TRAP1: variants seen among roughly 807,000 people sequenced by gnomAD.
TRAP1 encodes TNF receptor associated protein 1.
A neutral mutation model predicts 89.1 loss-of-function variants in TRAP1; 102 were observed. The observed-to-expected ratio is 1.15, with a 90% CI of 0.98 to 1.35. The LOEUF is 1.35. TRAP1 is among the 40% of genes most tolerant of loss of function. The pLI, the probability that TRAP1 is intolerant of heterozygous loss-of-function variation, is 0.00. For synonymous variants in TRAP1, 508 were observed against 388.0 expected, an observed-to-expected ratio of 1.31 and a Z score of -3.64; for missense variants, 1,256 against 945.3, an observed-to-expected ratio of 1.33 and a Z score of -4.31.
intron 1 of TRAP1, among the ~76,000 whole-genome samples, chr16:3,699,124 C>G (rs996612130): frequency 2.6e-5 from 4 of 152,134 alleles, no homozygotes; most frequent in Non-Finnish European, 5.9e-5. Context: ...ACACCCCTCC[C>G]CTTCCACCCC....
chr16:3,658,209 C>T lies in TRAP1; in HGVS notation c.2035G>A (p.Ala679Thr), dbSNP rs745658862. 1 of 1,613,918 alleles carries T rather than the reference C, an allele frequency of 6.2e-7. No homozygotes were observed. Among genetic ancestry groups the T allele is most frequent in the Non-Finnish European group, 8.5e-7 (1 of 1,179,982 alleles). Residue 679 changes from alanine to threonine, a missense_variant, in exon 18 of 18, where the codon GCT (alanine) becomes ACT (threonine). Ala to Thr is a moderately conservative substitution (Grantham distance 58). Coordinates refer to ENST00000246957, the MANE Select transcript of TRAP1 (RefSeq NM_016292.3). ...CTAGGGTCGTCAACAAGTCCAGCAG[C>T]AATCATGGCGTTCTCGTATATCTGA... ...VDQIYENAMIAAGLVDDPRAM... is the reference protein window; with the variant it reads ...VDQIYENAMITAGLVDDPRAM...
At chr16:3,665,628 G>C (rs938228996) in intron 12 of TRAP1, among the ~76,000 whole-genome samples, 3 of 152,160 alleles carry the variant, frequency 2.0e-5, no homozygotes, top group African/African-American at 7.2e-5. Context: ...GGAGTCCTTG[G>C]CTTGTCCCAC....
At chr16:3,661,803 A>C in intron 16 of TRAP1, 184 bp downstream of exon 16, 1 of 647,666 alleles carries the variant, frequency 1.5e-6, no homozygotes, top group Non-Finnish European at 2.3e-6. Context: ...TGGGGATGGT[A>C]AGGGGCTGGC....
chr16:3,706,415 G>A (rs896791069), intron 1 of TRAP1, among the ~76,000 whole-genome samples: 2 of 151,396 alleles, frequency 1.3e-5, no homozygotes, highest in Non-Finnish European at 2.9e-5. Flanking sequence ...CAAGCAGGTG[G>A]GATTAGAAGG....
At chr16:3,697,129 C>G (rs2151274722) in intron 1 of TRAP1, among the ~76,000 whole-genome samples, 1 of 152,296 alleles carries the variant, frequency 6.6e-6, no homozygotes, top group East Asian at 1.9e-4. Flanking sequence ...GCATATCATC[C>G]TACATTCCTG....
chr16:3,697,114 A>G (rs888577292), intron 1 of TRAP1, among the ~76,000 whole-genome samples: 9 of 152,222 alleles, frequency 5.9e-5, no homozygotes, highest in African/African-American at 2.2e-4. Flanking sequence ...GCAATGTACT[A>G]AAGTGCATAT....
intron 1 of TRAP1, among the ~76,000 whole-genome samples, chr16:3,702,104 C>G (rs1018470712): frequency 1.3e-5 from 2 of 151,934 alleles, no homozygotes; most frequent in African/African-American, 4.8e-5. Context: ...GCCTGGGCGA[C>G]ACAGTGAGAC....
intron 11 of TRAP1, among the ~76,000 whole-genome samples, chr16:3,670,845 G>A (rs146333545): frequency 4.5e-4 from 69 of 152,226 alleles, no homozygotes; most frequent in East Asian, 2.1e-3. Context: ...CCACCAGGCA[G>A]GAAACCACAC....
In TRAP1 at chr16:3,717,429, A is replaced by G. The variant is rs558230621; in HGVS notation, c.80T>C (p.Val27Ala). 21 of 1,239,252 alleles carry G rather than the reference A, an allele frequency of 1.7e-5. 1 individual carries two copies. In the South Asian group the frequency reaches 6.4e-4, roughly 38 times the overall value. The allele number at this position is 1,239,252 out of a possible 1,614,324, so 76.8% of individuals were successfully genotyped here. ...AGCCAGGACGCCCTCACCTCCCGGC[A>G]CGGCCGCCAGCGCCGGCGCCCGCAG... Reference protein sequence around the residue: ...PLLRAPALAAVPGGKPILCPR... With the variant: ...PLLRAPALAAAPGGKPILCPR... The change falls in exon 1 of 18, where the codon GTG becomes GCG. Residue 27 changes from valine (V) to alanine (A), a missense_variant. Val to Ala is a moderately conservative substitution (Grantham distance 64, BLOSUM62 0). Coordinates refer to ENST00000246957, the MANE Select transcript of TRAP1 (RefSeq NM_016292.3).
Position 3,675,885 on chromosome 16 carries a change from C to A in TRAP1, c.814+151G>T, listed in dbSNP as rs572653396. On this transcript the variant is annotated intron_variant, in intron 7 of 17. Coordinates refer to ENST00000246957, the MANE Select transcript of TRAP1 (RefSeq NM_016292.3). ...GATGCTACGCAGCCCTGGCGGGCAG[C>A]CCCCCTCCCAGTCCCGCAGCGGCTC... 207 of 679,632 alleles carry A rather than the reference C, an allele frequency of 3.0e-4. 1 individual carries two copies. The African/African-American group carries it at 3.4e-3, about 11-fold the overall frequency. 42.1% of individuals were successfully genotyped at this position (679,632 alleles called of 1,614,324 possible).
intron 1 of TRAP1, among the ~76,000 whole-genome samples, chr16:3,698,857 G>T (rs1166274389): frequency 1.3e-5 from 2 of 151,848 alleles, no homozygotes; most frequent in Non-Finnish European, 2.9e-5. Context: ...CTGCATTTCA[G>T]GGTGGGAGAT....
intron 9 of TRAP1, among the ~76,000 whole-genome samples, chr16:3,673,508 CAAATGTTGGGAGACCTGGTTA>C (rs1390289171): frequency 6.6e-6 from 1 of 152,140 alleles, no homozygotes; most frequent in Non-Finnish European, 1.5e-5. Context: ...GTATCTAGTT[CAAATGTTGGGAGACCTGGTTA>C]AAATGTGGGG....
chr16:3,705,843 C>T (rs930665219), intron 1 of TRAP1, among the ~76,000 whole-genome samples: 2 of 151,634 alleles, frequency 1.3e-5, no homozygotes, highest in African/African-American at 4.8e-5. Context: ...CCACACCCGG[C>T]TAATTTTATA....
rs925726956 is a variant in TRAP1, at chr16:3,675,906, G to A, written c.814+130C>T. 99 of 762,196 alleles carry A rather than the reference G, an allele frequency of 1.3e-4. 1 individual carries two copies. Among genetic ancestry groups the A allele is most frequent in the African/African-American group, 7.6e-4 (43 of 56,838 alleles). 47.2% of individuals were successfully genotyped at this position (762,196 alleles called of 1,614,324 possible). A position where few individuals can be genotyped will look rare whatever the true frequency, so the allele number is the denominator to read the frequency against. ...GCAGCCCCCCTCCCAGTCCCGCAGC[G>A]GCTCGGCCCTTCACGGCTCTGCCTG... On this transcript the variant is annotated intron_variant, in intron 7 of 17. Coordinates refer to ENST00000246957, the MANE Select transcript of TRAP1 (RefSeq NM_016292.3).
At position 3,671,715 on chromosome 16, in the gene TRAP1, G is replaced by T; in HGVS notation, c.1235+7C>A. 6.2e-7 allele frequency: 1 copy of T among 1,612,350 alleles called. No individual in the cohort carries two copies. Among genetic ancestry groups the T allele is most frequent in the Middle Eastern group, 1.6e-4 (1 of 6,062 alleles). On this transcript the variant is annotated splice_region_variant and intron_variant, in intron 11 of 17. Transcript: ENST00000246957. ...GCAGGGTCCTCTCCCCGCGGCCCGA[G>T]GCTCACCTGATGAGTGCGCTCTCCT... is the stretch of plus-strand genomic sequence containing the variant.
chr16:3,677,694 C>A (rs749753649), intron 5 of TRAP1, 36 bp from the exon 6 acceptor site: 2 of 1,600,874 alleles, frequency 1.2e-6, no homozygotes, highest in South Asian at 2.2e-5. Context: ...GGCAGCCTCC[C>A]CTCCAGAGAG....
chr16:3,710,975 G>C (rs2051523539), intron 1 of TRAP1, among the ~76,000 whole-genome samples: 2 of 149,092 alleles, frequency 1.3e-5, no homozygotes, highest in South Asian at 4.3e-4. Context: ...AGGCTTAAGG[G>C]AGCCTCCCAC....
At position 3,666,020 on chromosome 16, in the gene TRAP1, C is replaced by A; in HGVS notation, c.1334G>T (p.Gly445Val). The change falls in exon 12 of 18, where the codon GGC becomes GTC. Residue 445 changes from glycine (G) to valine (V), a missense_variant. Transcript: ENST00000246957. ...CACAATGCCCTCCCGCATGAACAGG[C>A]CGTAATCTTCAAAAAACTTTGCATA... ...EKYAKFFEDYGLFMREGIVTA... is the reference protein window; with the variant it reads ...EKYAKFFEDYVLFMREGIVTA... 2 of 1,614,188 alleles carry A rather than the reference C, an allele frequency of 1.2e-6. No individual in the cohort carries two copies. The highest frequency in any genetic ancestry group is 1.7e-6 in the Non-Finnish European group (2 of 1,180,036).
At chr16:3,678,864 T>A (rs564141070) in intron 5 of TRAP1, among the ~76,000 whole-genome samples, 2 of 152,182 alleles carry the variant, frequency 1.3e-5, no homozygotes, top group Non-Finnish European at 2.9e-5. Context: ...TGAGTCCAAA[T>A]GTGTTGCTCT....
Sources: gnomAD v4.1 joint callset for allele counts (sites outside exome capture counted in the v4.1 genomes callset) on GRCh38, gnomAD v4.1.1 for gene constraint, MANE v1.5 for transcripts, NCBI Gene and HGNC (gene_info 2026-07-23, HGNC 2026-07-21) for gene names.